The following XPO5 variants were observed in gnomAD, a reference collection of about 807,000 sequenced individuals.
XPO5 encodes the protein exportin 5, also known as exportin-5.
Under a neutral mutation model 160.6 loss-of-function variants are expected in XPO5, and 46 were observed. The observed-to-expected ratio is 0.29, with a 90% CI of 0.23 to 0.37. XPO5 has a LOEUF of 0.37. XPO5 is among the 10% of genes least tolerant of loss of function. The pLI is 1.00. For missense variants in XPO5, 1,090 were observed against 1,463.9 expected, an observed-to-expected ratio of 0.74 and a Z score of 4.17; for synonymous variants, 537 against 519.3, an observed-to-expected ratio of 1.03 and a Z score of -0.46.
At position 43,539,463 on chromosome 6, in the gene XPO5, T is replaced by A. The variant is rs371925246; in HGVS notation, c.2343-5456A>T. Reference sequence around the variant, plus strand: ...TTAATGGGCAGGGAGAAGAGATAGATCTCCTCCAGGGACTTGATCTTCATG... The same window carrying A: ...TTAATGGGCAGGGAGAAGAGATAGAACTCCTCCAGGGACTTGATCTTCATG... On this transcript the variant is annotated intron_variant, in intron 20 of 31. Coordinates refer to ENST00000265351, the MANE Select transcript of XPO5 (RefSeq NM_020750.3). 2,068 of 1,575,954 alleles carry A rather than the reference T, an allele frequency of 1.3e-3. 18 individuals carry two copies. The African/African-American group carries it at 0.022, about 17-fold the overall frequency.
intron 12 of XPO5, among the ~76,000 whole-genome samples, chr6:43,556,438 T>C (rs568316933): frequency 2.0e-5 from 3 of 150,148 alleles, no homozygotes; most frequent in African/African-American, 7.4e-5. Context: ...GGTAGGAGGA[T>C]CAGCTGAGCC....
Position 43,524,642 on chromosome 6 carries a change from T to C in XPO5, c.3313-7A>G. On this transcript the variant is annotated splice_region_variant and splice_polypyrimidine_tract_variant and intron_variant, in intron 30 of 31. Coordinates refer to ENST00000265351, the MANE Select transcript of XPO5 (RefSeq NM_020750.3). ...TCTCCAGGTACCTGGGGCGCTGATA[T>C]CAGCAGGGATAAACTTACTGGATGT... is the stretch of plus-strand genomic sequence containing the variant. 6.2e-7 allele frequency: 1 copy of C among 1,613,268 alleles called. No homozygotes were observed. Among genetic ancestry groups the C allele is most frequent in the African/African-American group, 1.3e-5 (1 of 75,028 alleles).
At chr6:43,575,410 G>A (rs1288831964) in intron 1 of XPO5, among the ~76,000 whole-genome samples, 2 of 152,206 alleles carry the variant, frequency 1.3e-5, no homozygotes, top group Non-Finnish European at 2.9e-5. Context: ...GTGCGCCTCG[G>A]GAAGGCGAGG....
intron 21 of XPO5, 128 bp downstream of exon 21, chr6:43,533,779 G>T: frequency 1.8e-6 from 1 of 551,158 alleles, no homozygotes; most frequent in Middle Eastern, 5.8e-4. Flanking sequence ...AGCCTACAGT[G>T]AGCTATGGTT....
At chr6:43,568,979 T>C (rs923132314) in intron 5 of XPO5, among the ~76,000 whole-genome samples, 2 of 152,196 alleles carry the variant, frequency 1.3e-5, no homozygotes, top group Non-Finnish European at 2.9e-5. Context: ...CCTAAGTATA[T>C]GAAAACCATG....
At position 43,526,723 on chromosome 6, in the gene XPO5, C is replaced by G. The variant is rs1208560050; in HGVS notation, c.2945G>C (p.Gly982Ala). Reference protein sequence around the residue: ...LITVCCVSKKGADHSSAPPAD... With the variant: ...LITVCCVSKKAADHSSAPPAD... ...TGGGGGAGCACTACTGTGGTCAGCA[C>G]CCTTCTTTGAAACACAGCAAACCGC... Residue 982 changes from glycine (G) to alanine (A), a missense_variant, in exon 27 of 32, where the codon GGT (glycine) becomes GCT (alanine). Around this residue, in one of 3 missense-constraint regions of XPO5, gnomAD observed 810 missense variants for 1,139.0 expected, o/e 0.71. Coordinates refer to ENST00000265351, the MANE Select transcript of XPO5 (RefSeq NM_020750.3). 6.2e-7 allele frequency: 1 copy of G among 1,613,798 alleles called. No homozygotes were observed. The highest frequency in any genetic ancestry group is 8.5e-7 in the Non-Finnish European group (1 of 1,179,860).
intron 20 of XPO5, among the ~76,000 whole-genome samples, chr6:43,541,954 A>AT (rs781297960): frequency 1.4e-4 from 21 of 151,990 alleles, no homozygotes; most frequent in Non-Finnish European, 1.3e-4. Context: ...TAATTTCTGT[A>AT]TTTTTAGTAG....
rs982766590 is a variant in XPO5 at position 43,529,162 on chromosome 6, C to T, written c.2678-237G>A. 4.1e-6 allele frequency: 6 copies of T among 1,454,744 alleles called. No homozygotes were observed. In the Admixed American group the frequency reaches 5.3e-5, roughly 13 times the overall value. 90.1% of individuals were successfully genotyped at this position (1,454,744 alleles called of 1,614,324 possible). ...TTTCCGTCAGGCTGCACATTATGGT[C>T]ACTGGCCCAAAAAGTAGGAATAAAA... is the stretch of plus-strand genomic sequence containing the variant. On this transcript the variant is annotated intron_variant, in intron 23 of 31. Transcript: ENST00000265351.
At chr6:43,566,730 A>G in intron 7 of XPO5, 1 of 279,410 alleles carries the variant, frequency 3.6e-6, no homozygotes, top group African/African-American at 2.2e-5. Context: ...GAATCGCTTG[A>G]ACCCGGAAGG....
intron 28 of XPO5, 28 bp downstream of exon 28, chr6:43,525,811 A>G: frequency 6.2e-7 from 1 of 1,612,238 alleles, no homozygotes; most frequent in Non-Finnish European, 8.5e-7. Flanking sequence ...GGCAAGGAGT[A>G]AAGGTATCAC....
intron 20 of XPO5, chr6:43,538,832 GC>G: frequency 8.6e-7 from 1 of 1,164,804 alleles, no homozygotes; most frequent in Non-Finnish European, 1.2e-6. Flanking sequence ...CTATGTTGTA[GC>G]CACAGCTGGA....
chr6:43,535,976 A>G (rs1794296294), intron 20 of XPO5, among the ~76,000 whole-genome samples: 1 of 151,316 alleles, frequency 6.6e-6, no homozygotes, highest in Non-Finnish European at 1.5e-5. Flanking sequence ...TATAAAAATT[A>G]GACGAGTATG....
chr6:43,535,582 C>G (rs9472071), intron 20 of XPO5, among the ~76,000 whole-genome samples: 1 of 151,800 alleles, frequency 6.6e-6, no homozygotes, highest in Admixed American at 6.6e-5. Flanking sequence ...AGGCCGGGCG[C>G]GGTGGATCAC....
chr6:43,568,792 A>G, intron 5 of XPO5, 55 bp from the exon 6 acceptor site: 4 of 1,450,228 alleles, frequency 2.8e-6, no homozygotes, highest in Non-Finnish European at 3.7e-6. Context: ...CCACATAATA[A>G]CTTTCTACCC....
chr6:43,551,477 T>C, intron 14 of XPO5, 24 bp from the exon 15 acceptor site: 3 of 1,605,662 alleles, frequency 1.9e-6, no homozygotes, highest in Admixed American at 1.7e-5. Context: ...ATAAAACAGG[T>C]TGACAATGGC....
intron 20 of XPO5, among the ~76,000 whole-genome samples, chr6:43,542,417 AT>A (rs569659307): frequency 2.7e-4 from 40 of 149,652 alleles, no homozygotes; most frequent in African/African-American, 9.5e-4. Flanking sequence ...TTATTTTTCA[AT>A]TTTTTTTTTG....
chr6:43,548,266 C>T lies in XPO5; in HGVS notation c.2055G>A (p.Met685Ile), dbSNP rs925714062. 2 of 1,607,718 alleles carry T rather than the reference C, an allele frequency of 1.2e-6. No homozygotes were observed. Among genetic ancestry groups the T allele is most frequent in the African/African-American group, 2.7e-5 (2 of 74,748 alleles). The change falls in exon 18 of 32, where the codon ATG (methionine) becomes ATA (isoleucine). Residue 685 changes from methionine (M) to isoleucine (I), a missense_variant. Physicochemically the swap from Met to Ile is conservative, Grantham distance 10. Transcript: ENST00000265351. The stretch of plus-strand genomic sequence containing the variant: ...GGGCAAGGGATCTCCTTTACCTGTG[C>T]ATGTCTTGAGAAAGCCAGATGCTGG... Reference protein sequence around the residue: ...PVASIWLSQDMHRVLSDVDAF... With the variant: ...PVASIWLSQDIHRVLSDVDAF...
chr6:43,558,706 G>A (rs903937892), intron 11 of XPO5, 115 bp from the exon 12 acceptor site: 5 of 733,004 alleles, frequency 6.8e-6, no homozygotes, highest in Admixed American at 3.4e-5. Context: ...GTTTGCATGA[G>A]ATATTGTATG....
chr6:43,525,058 T>G, intron 29 of XPO5, 49 bp downstream of exon 29: 2 of 1,575,940 alleles, frequency 1.3e-6, no homozygotes, highest in Non-Finnish European at 8.6e-7. Context: ...TCAGTCTGCA[T>G]GACCCAAACC....
Sources: allele counts gnomAD v4.1 joint callset (sites outside exome capture counted in the v4.1 genomes callset), GRCh38; gene constraint gnomAD v4.1.1; regional missense constraint gnomAD v4.1.1; transcripts MANE v1.5; gene names NCBI Gene and HGNC (gene_info 2026-07-23, HGNC 2026-07-21).